PCDH9: variants seen among roughly 807,000 people sequenced by gnomAD.
The protein encoded by PCDH9 is protocadherin-9.
Under a neutral mutation model 70.6 loss-of-function variants are expected in PCDH9, and 24 were observed. The ratio of observed to expected loss-of-function variants is 0.34; its 90% CI spans 0.25 to 0.48. The LOEUF (loss-of-function observed/expected upper bound fraction) is 0.48, where lower values mean the gene tolerates loss of function less well. Among genes scored for constraint, PCDH9 ranks in the 20% least tolerant of loss-of-function variants. The pLI, the probability that PCDH9 is intolerant of heterozygous loss-of-function variation, is 0.99. For missense variants in PCDH9, 1,281 were observed against 1,503.6 expected, an observed-to-expected ratio of 0.85 and a Z score of 2.45; for synonymous variants, 562 against 558.5, an observed-to-expected ratio of 1.01 and a Z score of -0.09.
intron 4 of PCDH9, among the ~76,000 whole-genome samples, chr13:66,471,050 G>A (rs186388846): frequency 1.3e-5 from 2 of 151,786 alleles, no homozygotes; most frequent in East Asian, 3.9e-4. Flanking sequence ...TACTTCTACT[G>A]AGCACCTGGG....
chr13:66,934,451 G>A (rs2082871202), intron 2 of PCDH9, among the ~76,000 whole-genome samples: 1 of 148,500 alleles, frequency 6.7e-6, no homozygotes, highest in South Asian at 2.1e-4. Flanking sequence ...TGAGAGAGGA[G>A]AATCACTTGA....
chr13:66,343,080 G>T (rs1430505605), intron 4 of PCDH9, among the ~76,000 whole-genome samples: 1 of 152,106 alleles, frequency 6.6e-6, no homozygotes, highest in African/African-American at 2.4e-5. Flanking sequence ...ACTGGTATCT[G>T]TAATTGCTGT....
chr13:66,495,048 G>C (rs1959091819), intron 4 of PCDH9, among the ~76,000 whole-genome samples: 1 of 151,858 alleles, frequency 6.6e-6, no homozygotes, highest in African/African-American at 2.4e-5. Context: ...GGAAGAACAA[G>C]GAGTTAAAAA....
intron 2 of PCDH9, among the ~76,000 whole-genome samples, chr13:66,966,575 G>A (rs573231392): frequency 2.0e-5 from 3 of 152,040 alleles, no homozygotes; most frequent in Non-Finnish European, 4.4e-5. Context: ...AAGAAAAGCA[G>A]TTTTAGCAAA....
rs149731236 is a variant in PCDH9, at chr13:67,120,430, T to C, written c.3036+104975A>G. Among the ~76,000 whole-genome samples, 778 of 152,216 alleles carry C rather than the reference T, an allele frequency of 5.1e-3. 10 individuals carry two copies. Among genetic ancestry groups the C allele is most frequent in the African/African-American group, 0.017 (716 of 41,546 alleles). ...CCTGGAATTAGGGGTTAGAAATCAA[T>C]GTTTAATTCCTTTTTCTGCCACCAA... is the stretch of plus-strand genomic sequence containing the variant. On this transcript the variant is annotated intron_variant, in intron 2 of 4. Coordinates refer to ENST00000377865, the MANE Select transcript of PCDH9 (RefSeq NM_203487.3).
At chr13:66,532,869 T>C (rs1179090310) in intron 4 of PCDH9, among the ~76,000 whole-genome samples, 2 of 152,154 alleles carry the variant, frequency 1.3e-5, no homozygotes, top group African/African-American at 4.8e-5. Context: ...TTTGCCACAG[T>C]ATTACAGTAT....
At chr13:67,164,712 G>C (rs918381163) in intron 2 of PCDH9, among the ~76,000 whole-genome samples, 1 of 152,110 alleles carries the variant, frequency 6.6e-6, no homozygotes, top group Non-Finnish European at 1.5e-5. Flanking sequence ...TAGATGGATA[G>C]AGCCTGTTTT....
chr13:66,819,663 G>C (rs1178818229), intron 3 of PCDH9, among the ~76,000 whole-genome samples: 7 of 152,164 alleles, frequency 4.6e-5, no homozygotes, highest in Admixed American at 4.6e-4. Context: ...GCTTAGGCGA[G>C]AGGACTGCTG....
intron 3 of PCDH9, among the ~76,000 whole-genome samples, chr13:66,764,267 G>T (rs9571653): frequency 0.081 from 11,816 of 146,510 alleles, 518 homozygotes; most frequent in East Asian, 0.14. Context: ...AAAAAAAACC[G>T]AAAACTTTAA....
At chr13:66,528,323 C>T (rs1026305870) in intron 4 of PCDH9, among the ~76,000 whole-genome samples, 1 of 152,080 alleles carries the variant, frequency 6.6e-6, no homozygotes, top group Non-Finnish European at 1.5e-5. Flanking sequence ...CATTCCTCCT[C>T]GGCAATACAA....
At chr13:67,047,887 G>A (rs73211183) in intron 2 of PCDH9, among the ~76,000 whole-genome samples, 31,748 of 152,036 alleles carry the variant, frequency 0.21, 3,598 homozygotes, top group Admixed American at 0.27. Context: ...AGCACTCTAC[G>A]CTACCAGTTT....
intron 2 of PCDH9, among the ~76,000 whole-genome samples, chr13:67,105,949 ATTAGT>A (rs2086532288): frequency 6.6e-6 from 1 of 151,396 alleles, no homozygotes. Flanking sequence ...ATATCTATAT[ATTAGT>A]TTATAGTGTA....
intron 2 of PCDH9, among the ~76,000 whole-genome samples, chr13:67,045,897 A>G (rs1405272611): frequency 6.6e-6 from 1 of 151,954 alleles, no homozygotes; most frequent in African/African-American, 2.4e-5. Flanking sequence ...GTTCTTTTTA[A>G]TCCTTATTCT....
chr13:66,592,909 C>T (rs2077055442), intron 4 of PCDH9, among the ~76,000 whole-genome samples: 1 of 151,656 alleles, frequency 6.6e-6, no homozygotes. Context: ...AAATTTAAAA[C>T]TGAAAATAAC....
intron 2 of PCDH9, among the ~76,000 whole-genome samples, chr13:66,993,075 C>T (rs1162595025): frequency 6.6e-6 from 1 of 152,038 alleles, no homozygotes; most frequent in Non-Finnish European, 1.5e-5. Context: ...AAATAATTTG[C>T]AATCTTCATA....
At chr13:66,312,368 A>G (rs1160376020) in intron 4 of PCDH9, among the ~76,000 whole-genome samples, 1 of 152,208 alleles carries the variant, frequency 6.6e-6, no homozygotes, top group African/African-American at 2.4e-5. Context: ...CAGATAGATT[A>G]GGCTAGGCAT....
intron 4 of PCDH9, among the ~76,000 whole-genome samples, chr13:66,454,878 T>A (rs1422506951): frequency 6.6e-6 from 1 of 152,170 alleles, no homozygotes; most frequent in African/African-American, 2.4e-5. Flanking sequence ...GTGCTGGGAT[T>A]ACAGGCGTGA....
chr13:67,129,075 A>G (rs1211954449), intron 2 of PCDH9, among the ~76,000 whole-genome samples: 1 of 152,124 alleles, frequency 6.6e-6, no homozygotes, highest in African/African-American at 2.4e-5. Flanking sequence ...CAATCCTCTG[A>G]GAACAATTTG....
At chr13:67,137,948 A>G (rs1367525756) in intron 2 of PCDH9, among the ~76,000 whole-genome samples, 1 of 152,192 alleles carries the variant, frequency 6.6e-6, no homozygotes, top group Non-Finnish European at 1.5e-5. Context: ...GAATGCCCAT[A>G]AACAATCTGA....
Sources: allele counts gnomAD v4.1 joint callset (sites outside exome capture counted in the v4.1 genomes callset), GRCh38; gene constraint gnomAD v4.1.1; transcripts MANE v1.5; gene names NCBI Gene and HGNC (gene_info 2026-07-23, HGNC 2026-07-21).